Variants in SLC24A2 observed in about 807,000 individuals in gnomAD.
The protein encoded by SLC24A2 is solute carrier family 24 member 2.
A neutral mutation model predicts 62.0 loss-of-function variants in SLC24A2; 36 were observed. That is an observed-to-expected ratio of 0.58 (90% CI 0.44 to 0.77). The LOEUF is 0.77. Ranked by LOEUF, SLC24A2 falls within the 30% of genes least tolerant of loss-of-function variation. SLC24A2 has a pLI of 0.00. For synonymous variants in SLC24A2, 358 were observed against 294.0 expected (o/e 1.22, Z -2.23); for missense variants, 846 against 817.9 (o/e 1.03, Z -0.42).
the SLC24A2 span, among the ~76,000 whole-genome samples, chr9:20,173,558 T>A: frequency 6.6e-6 from 1 of 151,992 alleles, no homozygotes; most frequent in African/African-American, 2.4e-5. Context: ...GAGAATCAAA[T>A]TAAGAACTCA....
At chr9:20,245,719 G>T in the SLC24A2 span, among the ~76,000 whole-genome samples, 4 of 152,168 alleles carry the variant, frequency 2.6e-5, no homozygotes, top group Non-Finnish European at 5.9e-5. Context: ...AGTCACATTG[G>T]ATCTGGAGAG....
At chr9:20,218,324 T>C in the SLC24A2 span, among the ~76,000 whole-genome samples, 8 of 152,296 alleles carry the variant, frequency 5.3e-5, no homozygotes, top group African/African-American at 1.4e-4. Context: ...ACCCTTGCTA[T>C]GTTACTGGTC....
At chr9:20,273,862 T>C in the SLC24A2 span, among the ~76,000 whole-genome samples, 1 of 152,246 alleles carries the variant, frequency 6.6e-6, no homozygotes, top group Non-Finnish European at 1.5e-5. Context: ...AGGACAGTTT[T>C]ACCCATTTCT....
At position 19,788,931 on chromosome 9, in the gene SLC24A2, G is replaced by A. The variant is rs1053536092; in HGVS notation, c.-200C>T. On this transcript the variant is annotated 5_prime_UTR_variant, in exon 1 of 11. Transcript: ENST00000341998. ...GCACACGGCGGGGCCCCCGAGCGCG[G>A]CCCGCCGCTCCAGTCCGCCGGCCCT... 150 of 984,956 alleles carry A rather than the reference G, an allele frequency of 1.5e-4. No individual in the cohort carries two copies. The highest frequency in any genetic ancestry group is 1.7e-4 in the Non-Finnish European group (145 of 829,628). 61.0% of individuals were successfully genotyped at this position (984,956 alleles called of 1,614,324 possible). A position where few individuals can be genotyped will look rare whatever the true frequency, so the allele number is the denominator to read the frequency against.
intron 7 of SLC24A2, among the ~76,000 whole-genome samples, chr9:19,571,411 T>C (rs1835833275): frequency 6.6e-6 from 1 of 152,022 alleles, no homozygotes; most frequent in South Asian, 2.1e-4. Flanking sequence ...ATTTTTTTTT[T>C]CTTAAGAAGT....
the SLC24A2 span, among the ~76,000 whole-genome samples, chr9:19,844,291 T>C: frequency 1.3e-5 from 2 of 152,326 alleles, no homozygotes; most frequent in East Asian, 3.9e-4. Flanking sequence ...ATTTTTTTCA[T>C]ATGTTTGTTG....
At chr9:19,942,225 G>A in the SLC24A2 span, among the ~76,000 whole-genome samples, 2 of 152,106 alleles carry the variant, frequency 1.3e-5, no homozygotes, top group Non-Finnish European at 2.9e-5. Context: ...TCTAAACCCC[G>A]AGAATGCATT....
the SLC24A2 span, among the ~76,000 whole-genome samples, chr9:19,823,334 C>T: frequency 1.3e-5 from 2 of 151,738 alleles, no homozygotes. Context: ...TGTGTATTCA[C>T]AAACACATAA....
chr9:19,959,275 A>G, the SLC24A2 span, among the ~76,000 whole-genome samples: 2 of 152,332 alleles, frequency 1.3e-5, no homozygotes, highest in Non-Finnish European at 2.9e-5. Context: ...TGTGGCATGC[A>G]GAGAGAAAGA....
chr9:20,156,797 A>T, the SLC24A2 span, among the ~76,000 whole-genome samples: 1 of 151,786 alleles, frequency 6.6e-6, no homozygotes, highest in Non-Finnish European at 1.5e-5. Context: ...CACTAAGTAT[A>T]AAACAGCTAT....
intron 7 of SLC24A2, among the ~76,000 whole-genome samples, chr9:19,555,774 A>G (rs1003643679): frequency 6.6e-6 from 1 of 152,018 alleles, no homozygotes; most frequent in Non-Finnish European, 1.5e-5. Flanking sequence ...GTGAAACCCC[A>G]TCTCTACTAA....
chr9:19,744,014 G>A (rs561825913), intron 2 of SLC24A2, among the ~76,000 whole-genome samples: 2 of 152,128 alleles, frequency 1.3e-5, no homozygotes, highest in African/African-American at 2.4e-5. Context: ...GATCATCACC[G>A]CAACCACTCA....
At chr9:19,797,518 TGTAGA>T in the SLC24A2 span, among the ~76,000 whole-genome samples, 60 of 152,358 alleles carry the variant, frequency 3.9e-4, no homozygotes, top group African/African-American at 1.4e-3. Context: ...AGGTCTTTAC[TGTAGA>T]GTAATCAAGT....
the SLC24A2 span, among the ~76,000 whole-genome samples, chr9:20,185,390 G>A: frequency 1.3e-5 from 2 of 151,846 alleles, no homozygotes; most frequent in Non-Finnish European, 2.9e-5. Context: ...AACAGGCCAG[G>A]CATCGCGGCT....
At chr9:19,847,039 C>T in the SLC24A2 span, among the ~76,000 whole-genome samples, 1 of 152,010 alleles carries the variant, frequency 6.6e-6, no homozygotes, top group Non-Finnish European at 1.5e-5. Flanking sequence ...AAATGCAGAT[C>T]TGGCTTAGGT....
At chr9:20,062,155 A>G in the SLC24A2 span, among the ~76,000 whole-genome samples, 1 of 152,120 alleles carries the variant, frequency 6.6e-6, no homozygotes, top group Non-Finnish European at 1.5e-5. Flanking sequence ...CTTGAGCCCA[A>G]AAGTCCAAGG....
chr9:20,172,276 G>A, the SLC24A2 span, among the ~76,000 whole-genome samples: 1 of 151,840 alleles, frequency 6.6e-6, no homozygotes, highest in Admixed American at 6.6e-5. Context: ...GCAATCTTAG[G>A]TCACACCAGG....
chr9:20,019,157 G>GAAAGAAAGAAAGAAAGAA, the SLC24A2 span, among the ~76,000 whole-genome samples: 5 of 134,504 alleles, frequency 3.7e-5, 1 homozygote, highest in African/African-American at 5.9e-5. Context: ...AAGAAAGAAA[G>GAAAGAAAGAAAGAAAGAA]AGAGAGAGAC....
rs1408188497 is a variant in SLC24A2 at position 19,539,432 on chromosome 9, A to T, written c.1479+10705T>A. Among the ~76,000 whole-genome samples the T allele has an allele frequency of 3.9e-5, 6 of 151,976 alleles. No individual in the cohort carries two copies. The East Asian group carries it at 7.8e-4, about 20-fold the overall frequency. ...TTTGTTCTCGCTGGTTTCGAAGAAC[A>T]TCTTTATTTCTGCCTTCATTTCATT... On this transcript the variant is annotated intron_variant, in intron 8 of 10. Coordinates refer to ENST00000341998, the MANE Select transcript of SLC24A2 (RefSeq NM_020344.4).
Sources: gnomAD v4.1 joint callset for allele counts (sites outside exome capture counted in the v4.1 genomes callset) on GRCh38, gnomAD v4.1.1 for gene constraint, MANE v1.5 for transcripts, NCBI Gene and HGNC (gene_info 2026-07-23, HGNC 2026-07-21) for gene names.